The following PEPD variants were observed in gnomAD, a reference collection of about 807,000 sequenced individuals.
The protein encoded by PEPD is peptidase D.
A neutral mutation model predicts 60.7 loss-of-function variants in PEPD; 53 were observed. The observed-to-expected ratio is 0.87, with a 90% CI of 0.70 to 1.10. The LOEUF (loss-of-function observed/expected upper bound fraction) is 1.10. Ranked by LOEUF, PEPD falls within the 50% of genes least tolerant of loss-of-function variation. The pLI, the probability that PEPD is intolerant of heterozygous loss-of-function variation, is 0.00. For synonymous variants in PEPD, 267 were observed against 284.1 expected (o/e 0.94, Z 0.60); for missense variants, 711 against 711.9 (o/e 1.00, Z 0.01).
chr19:33,448,040 G>A (rs901597059), intron 9 of PEPD, among the ~76,000 whole-genome samples: 8 of 152,312 alleles, frequency 5.3e-5, no homozygotes, highest in African/African-American at 1.7e-4. Context: ...ATGCCTGCCG[G>A]CAGGTATGGA....
At chr19:33,493,710 T>A (rs1300116059) in intron 4 of PEPD, among the ~76,000 whole-genome samples, 1 of 151,994 alleles carries the variant, frequency 6.6e-6, no homozygotes, top group Non-Finnish European at 1.5e-5. Context: ...GGGAACCCTT[T>A]AGGCTCCAGG....
At chr19:33,441,932 C>T (rs1198588019) in intron 9 of PEPD, among the ~76,000 whole-genome samples, 2 of 152,238 alleles carry the variant, frequency 1.3e-5, no homozygotes, top group African/African-American at 4.8e-5. Context: ...CAGTAACTAC[C>T]GGGTTGGAAG....
intron 9 of PEPD, among the ~76,000 whole-genome samples, chr19:33,423,226 G>A (rs1383442903): frequency 6.6e-6 from 1 of 152,214 alleles, no homozygotes; most frequent in Non-Finnish European, 1.5e-5. Flanking sequence ...CACATCAGAA[G>A]TCTTTGGTAT....
intron 1 of PEPD, among the ~76,000 whole-genome samples, chr19:33,516,435 T>A (rs968630287): frequency 1.3e-5 from 2 of 151,912 alleles, no homozygotes; most frequent in African/African-American, 4.8e-5. Flanking sequence ...ACAGAACAAG[T>A]CTCTGAGCCC....
chr19:33,511,569 A>G (rs1052955240), intron 2 of PEPD: 6 of 306,872 alleles, frequency 2.0e-5, no homozygotes, highest in Non-Finnish European at 3.8e-5. Context: ...TCCATTTAAG[A>G]CTTCTTACTT....
chr19:33,403,731 C>A, intron 11 of PEPD, among the ~76,000 whole-genome samples: 1 of 152,198 alleles, frequency 6.6e-6, no homozygotes, highest in East Asian at 1.9e-4. Flanking sequence ...TCCAAAGTCC[C>A]CAGCCGGGCA....
chr19:33,476,171 C>G (rs1362984321), intron 7 of PEPD, among the ~76,000 whole-genome samples: 1 of 152,126 alleles, frequency 6.6e-6, no homozygotes, highest in Non-Finnish European at 1.5e-5. Context: ...GGCTTTGTTA[C>G]TTTATAAAAA....
intron 3 of PEPD, among the ~76,000 whole-genome samples, chr19:33,502,096 G>A (rs1407590645): frequency 6.6e-6 from 1 of 152,170 alleles, no homozygotes; most frequent in African/African-American, 2.4e-5. Context: ...CAGGAGATAA[G>A]TCAATGTCTC....
chr19:33,510,878 G>T, intron 3 of PEPD, 150 bp downstream of exon 3: 1 of 785,932 alleles, frequency 1.3e-6, no homozygotes, highest in African/African-American at 1.7e-5. Flanking sequence ...CGAGAGGCAG[G>T]CTGTGACAGC....
chr19:33,471,694 G>C (rs1298109115), intron 7 of PEPD, among the ~76,000 whole-genome samples: 2 of 152,326 alleles, frequency 1.3e-5, no homozygotes, highest in East Asian at 3.9e-4. Flanking sequence ...GCTCAGGACA[G>C]GATGACAAAG....
At chr19:33,397,249 C>T (rs1968387006) in intron 12 of PEPD, among the ~76,000 whole-genome samples, 1 of 152,332 alleles carries the variant, frequency 6.6e-6, no homozygotes, top group Admixed American at 6.5e-5. Context: ...CTGCATTCCT[C>T]AACCCCCCAG....
At chr19:33,493,443 C>T in intron 4 of PEPD, 106 bp from the exon 5 acceptor site, 1 of 854,632 alleles carries the variant, frequency 1.2e-6, no homozygotes, top group South Asian at 1.4e-5. Flanking sequence ...TCAAGCAGAT[C>T]ATTAGAACAG....
intron 11 of PEPD, among the ~76,000 whole-genome samples, chr19:33,405,400 A>G (rs1195995875): frequency 6.6e-6 from 1 of 152,238 alleles, no homozygotes; most frequent in African/African-American, 2.4e-5. Context: ...CACGGCTCTT[A>G]GCTGTTCAAT....
chr19:33,467,927 G>A (rs1046592048), intron 7 of PEPD, among the ~76,000 whole-genome samples: 2 of 152,202 alleles, frequency 1.3e-5, no homozygotes, highest in African/African-American at 2.4e-5. Flanking sequence ...CGGTGATGGA[G>A]TGGAGTGAAA....
chr19:33,440,210 CCT>C (rs770032749), intron 9 of PEPD, among the ~76,000 whole-genome samples: 60 of 152,136 alleles, frequency 3.9e-4, no homozygotes, highest in Admixed American at 3.1e-3. Flanking sequence ...GACTCTTCTC[CCT>C]GTCTTCCCCA....
At chr19:33,506,109 CTCA>C (rs1970801439) in intron 3 of PEPD, among the ~76,000 whole-genome samples, 1 of 144,410 alleles carries the variant, frequency 6.9e-6, no homozygotes, top group Admixed American at 6.9e-5. Context: ...CACACACACC[CTCA>C]TTACACCCTA....
chr19:33,494,363 T>G (rs1156764263), intron 4 of PEPD, among the ~76,000 whole-genome samples: 1 of 152,246 alleles, frequency 6.6e-6, no homozygotes, highest in Non-Finnish European at 1.5e-5. Context: ...ATGCTGCCTG[T>G]ATTTAACATA....
chr19:33,521,756 G>A lies in PEPD; in HGVS notation c.5C>T (p.Ala2Val), dbSNP rs758460653. ...GCGCAGCACTCACCCGGTGGCCGCC[G>A]CCATGTTCGCCCGGCACCGGCGTCA... M[A>V]AATGPSFWLG... The change falls in exon 1 of 15, where the codon GCG becomes GTG. Residue 2 changes from alanine to valine, a missense_variant. Coordinates refer to ENST00000244137, the MANE Select transcript of PEPD (RefSeq NM_000285.4). 13 of 1,577,296 alleles carry A rather than the reference G, an allele frequency of 8.2e-6. No individual in the cohort carries two copies. Among genetic ancestry groups the A allele is most frequent in the East Asian group, 4.6e-5 (2 of 43,222 alleles).
intron 9 of PEPD, among the ~76,000 whole-genome samples, chr19:33,458,753 C>T (rs1373726634): frequency 6.9e-3 from 9 of 1,296 alleles, no homozygotes; most frequent in South Asian, 0.016. Flanking sequence ...GTGAGGTGTA[C>T]GTAGTGTGTA....
Sources: allele counts gnomAD v4.1 joint callset (sites outside exome capture counted in the v4.1 genomes callset), GRCh38; gene constraint gnomAD v4.1.1; transcripts MANE v1.5; gene names NCBI Gene and HGNC (gene_info 2026-07-23, HGNC 2026-07-21).